The following RBFOX1 variants were observed in gnomAD, a reference collection of about 807,000 sequenced individuals.
RBFOX1 encodes RNA binding fox-1 homolog 1.
A neutral mutation model predicts 57.7 loss-of-function variants in RBFOX1; 8 were observed. The ratio of observed to expected loss-of-function variants is 0.14; its 90% confidence interval spans 0.08 to 0.25. The LOEUF (loss-of-function observed/expected upper bound fraction) is 0.25, where lower values mean the gene tolerates loss of function less well. Ranked by LOEUF, RBFOX1 falls within the 10% of genes least tolerant of loss-of-function variation. The pLI, the probability that RBFOX1 is intolerant of heterozygous loss-of-function variation, is 1.00. For missense variants in RBFOX1, 611 were observed against 548.5 expected (o/e 1.11, Z -1.14); for synonymous variants, 326 against 222.4 (o/e 1.47, Z -4.15).
intron 4 of RBFOX1, among the ~76,000 whole-genome samples, chr16:5,913,950 T>C (rs1471991255): frequency 6.6e-6 from 1 of 152,242 alleles, no homozygotes; most frequent in Non-Finnish European, 1.5e-5. Context: ...CATTCCGTCA[T>C]GAGGACATCA....
chr16:7,654,385 T>A (rs2065817582), intron 12 of RBFOX1, among the ~76,000 whole-genome samples: 1 of 152,174 alleles, frequency 6.6e-6, no homozygotes, highest in Admixed American at 6.5e-5. Context: ...CAGGGATATC[T>A]TGGCTTCAAG....
intron 2 of RBFOX1, among the ~76,000 whole-genome samples, chr16:6,567,457 T>C (rs997774436): frequency 6.6e-6 from 1 of 152,162 alleles, no homozygotes; most frequent in Non-Finnish European, 1.5e-5. Flanking sequence ...TTCTCAAATA[T>C]CTCTCATGAG....
At chr16:5,644,598 C>T (rs984417398) in intron 3 of RBFOX1, among the ~76,000 whole-genome samples, 1 of 152,162 alleles carries the variant, frequency 6.6e-6, no homozygotes, top group African/African-American at 2.4e-5. Flanking sequence ...GCGTGTCAGG[C>T]TGGGAGACAC....
rs571258223 is a variant in RBFOX1 at position 5,698,814 on chromosome 16, G to T, written c.318+99853G>T. ...ATAGGCTACACCATGAATGAACCTT[G>T]AATACTTTGTTTTTAAAATTTTGTT... On this transcript the variant is annotated intron_variant, in intron 3 of 19. Coordinates refer to the RBFOX1 transcript ENST00000641259. Among the ~76,000 whole-genome samples, 4 of 152,266 alleles carry T rather than the reference G, an allele frequency of 2.6e-5. No individual in the cohort carries two copies. The South Asian group carries it at 8.3e-4, about 32-fold the overall frequency.
At chr16:7,017,187 C>T (rs1033945992) in intron 3 of RBFOX1, among the ~76,000 whole-genome samples, 1 of 152,260 alleles carries the variant, frequency 6.6e-6, no homozygotes, top group East Asian at 1.9e-4. Context: ...ATCGTATCTG[C>T]TTCAAGTGTT....
At chr16:7,389,314 C>T (rs560141832) in intron 4 of RBFOX1, among the ~76,000 whole-genome samples, 2 of 151,994 alleles carry the variant, frequency 1.3e-5, no homozygotes, top group African/African-American at 4.8e-5. Context: ...TTGGTAGAGA[C>T]GAGGTCTTGC....
chr16:6,700,744 A>G (rs2061696687), intron 3 of RBFOX1, among the ~76,000 whole-genome samples: 1 of 152,166 alleles, frequency 6.6e-6, no homozygotes, highest in South Asian at 2.1e-4. Context: ...GACTTTCTTG[A>G]AACTCAAAAT....
At chr16:6,474,576 A>G (rs938293309) in intron 2 of RBFOX1, among the ~76,000 whole-genome samples, 3 of 152,140 alleles carry the variant, frequency 2.0e-5, no homozygotes, top group African/African-American at 2.4e-5. Flanking sequence ...TTTGTTTTCT[A>G]TGTCTGGGCT....
At chr16:5,697,984 A>G (rs1206118280) in intron 3 of RBFOX1, among the ~76,000 whole-genome samples, 2 of 152,194 alleles carry the variant, frequency 1.3e-5, no homozygotes, top group Non-Finnish European at 2.9e-5. Flanking sequence ...TGGTCTTCAT[A>G]AATTGTTGTT....
intron 3 of RBFOX1, among the ~76,000 whole-genome samples, chr16:6,968,051 G>C (rs553496685): frequency 1.3e-5 from 2 of 152,164 alleles, no homozygotes; most frequent in African/African-American, 2.4e-5. Context: ...AGTGCTGGGA[G>C]GTGCTTGGGT....
chr16:7,685,887 C>T (rs892555799), intron 14 of RBFOX1, among the ~76,000 whole-genome samples: 1 of 151,944 alleles, frequency 6.6e-6, no homozygotes, highest in Non-Finnish European at 1.5e-5. Flanking sequence ...ACTAGCAAAT[C>T]ATTGCTGTTG....
At chr16:6,753,627 A>C (rs1234636863) in intron 3 of RBFOX1, among the ~76,000 whole-genome samples, 2 of 152,164 alleles carry the variant, frequency 1.3e-5, no homozygotes, top group Non-Finnish European at 2.9e-5. Context: ...CAACAGAGCG[A>C]AAGGGAGAAA....
At chr16:7,003,344 C>G (rs185132299) in intron 3 of RBFOX1, among the ~76,000 whole-genome samples, 2 of 151,876 alleles carry the variant, frequency 1.3e-5, no homozygotes, top group South Asian at 2.1e-4. Context: ...CTTGTAGTCC[C>G]AGCTACTCAG....
At chr16:5,910,613 G>A (rs902446177) in intron 4 of RBFOX1, among the ~76,000 whole-genome samples, 1 of 152,172 alleles carries the variant, frequency 6.6e-6, no homozygotes, top group African/African-American at 2.4e-5. Context: ...GGCAGGGAAG[G>A]AGCTGTCCGG....
chr16:5,768,873 T>C (rs2053880903), intron 3 of RBFOX1, among the ~76,000 whole-genome samples: 1 of 152,050 alleles, frequency 6.6e-6, no homozygotes, highest in Admixed American at 6.5e-5. Flanking sequence ...CTGTTTTTTG[T>C]TTGTTTGTTT....
At chr16:6,810,853 T>C (rs2154266203) in intron 3 of RBFOX1, among the ~76,000 whole-genome samples, 1 of 152,250 alleles carries the variant, frequency 6.6e-6, no homozygotes, top group East Asian at 1.9e-4. Context: ...CATGATCCAA[T>C]CACAAGCCTC....
intron 3 of RBFOX1, among the ~76,000 whole-genome samples, chr16:5,620,187 G>A (rs2048162013): frequency 6.6e-6 from 1 of 152,064 alleles, no homozygotes; most frequent in African/African-American, 2.4e-5. Context: ...TTTGCGCCAT[G>A]CTCACATTAT....
chr16:7,710,280 C>A lies in RBFOX1; in HGVS notation c.1072-343C>A, dbSNP rs74012235. The A allele has an allele frequency of 6.1e-3, 6,811 of 1,117,978 alleles. 361 individuals carry two copies. In the African/African-American group the frequency reaches 0.1, roughly 17 times the overall value. The allele number at this position is 1,117,978 out of a possible 1,614,324, so 69.3% of individuals were successfully genotyped here. A position where few individuals can be genotyped will look rare whatever the true frequency, so the allele number is the denominator to read the frequency against. On this transcript the variant is annotated intron_variant, in intron 15 of 15. Coordinates refer to ENST00000550418, the MANE Select transcript of RBFOX1 (RefSeq NM_018723.4). ...AGGAATGTGTTGGAGAGTTGAATTA[C>A]ATTCAACAACTGGTCCAAATTCAAC...
rs573280106 is a variant in RBFOX1, at chr16:7,467,311, G to T, written c.28-50836G>T. 1.5e-4 allele frequency among the ~76,000 whole-genome samples: 23 copies of T among 152,224 alleles called. No individual in the cohort carries two copies. In the South Asian group the frequency reaches 3.9e-3, roughly 26 times the overall value. ...AGCTGCTGGGTATGGCTGTTGCAGG[G>T]GGTCTCATACATACCAAGTCTTATA... On this transcript the variant is annotated intron_variant, in intron 4 of 15. Transcript: ENST00000550418.
Sources: allele counts gnomAD v4.1 joint callset (sites outside exome capture counted in the v4.1 genomes callset), GRCh38; gene constraint gnomAD v4.1.1; transcripts MANE v1.5; gene names NCBI Gene and HGNC (gene_info 2026-07-23, HGNC 2026-07-21).